Variants in TRMU observed in about 807,000 individuals in gnomAD.
TRMU encodes tRNA mitochondrial 2-thiouridylase.
A neutral mutation model predicts 46.9 loss-of-function variants in TRMU; 49 were observed. The ratio of observed to expected loss-of-function variants is 1.05; its 90% CI spans 0.83 to 1.33. The LOEUF (loss-of-function observed/expected upper bound fraction) is 1.33. Among genes scored for constraint, TRMU ranks in the 40% most tolerant of loss-of-function variants. The probability of loss-of-function intolerance (pLI) is 0.00; values close to 1 mark genes in which losing one functional copy is unlikely to be tolerated. For missense variants in TRMU, 572 were observed against 532.4 expected (o/e 1.07, Z -0.73); for synonymous variants, 241 against 200.9 (o/e 1.20, Z -1.69).
rs2078634636 is a variant in TRMU, at chr22:46,357,017, T to G, written c.*11T>G. ...AGTCCCTTGCTCTGACAGAGATGGA[T>G]CTGCTAGAAGGAACCTGGAGAGCAG... On this transcript the variant is annotated 3_prime_UTR_variant, in exon 11 of 11. Coordinates refer to ENST00000645190, the MANE Select transcript of TRMU (RefSeq NM_018006.5). 1 of 1,613,154 alleles carries G rather than the reference T, an allele frequency of 6.2e-7. No homozygotes were observed. The highest frequency in any genetic ancestry group is 1.7e-5 in the Admixed American group (1 of 60,000).
rs2078059615 is a variant in TRMU, at chr22:46,339,295, A to T, written c.248+1351A>T. Among the ~76,000 whole-genome samples the T allele has an allele frequency of 6.6e-6, 1 of 152,098 alleles. No homozygotes were observed. The highest frequency in any genetic ancestry group is 2.4e-5 in the African/African-American group (1 of 41,428). The stretch of plus-strand genomic sequence containing the variant: ...CTCCCAAGTAGCTGGGATTATAGGC[A>T]TGCACCACCACGCCCGGATAATTTT... On this transcript the variant is annotated intron_variant, in intron 2 of 10. Coordinates refer to ENST00000645190, the MANE Select transcript of TRMU (RefSeq NM_018006.5). This position sits in a 1 kb window ranked among gnomAD's most constrained non-coding sequence, Gnocchi z 4.8.
At chr22:46,355,796 G>A in intron 9 of TRMU, 194 bp from the exon 10 acceptor site, 2 of 1,040,046 alleles carry the variant, frequency 1.9e-6, no homozygotes, top group Non-Finnish European at 2.9e-6. Context: ...GCAGGCCCCG[G>A]CGTGTTGGGC....
At chr22:46,352,748 G>A (rs1251637660) in intron 7 of TRMU, 21 of 339,296 alleles carry the variant, frequency 6.2e-5, no homozygotes, top group South Asian at 3.9e-4. Context: ...GGGATCAGGC[G>A]TCCGCGCTGG....
intron 2 of TRMU, 116 bp from the exon 3 acceptor site, chr22:46,343,146 T>G (rs2078165033): frequency 1.3e-6 from 1 of 768,764 alleles, no homozygotes; most frequent in Non-Finnish European, 2.1e-6. Flanking sequence ...TTGCAGAAAA[T>G]TATAGTTTTG....
At position 46,357,231 on chromosome 22, in the gene TRMU, C is replaced by T. The variant is rs957965479; in HGVS notation, c.*225C>T. ...GCATCTGCTGGCTGGTGGGGTGGCCCGAGTTCCCCTTCACCGCCCCCAGGG... is the reference window on the plus strand; with the variant it reads ...GCATCTGCTGGCTGGTGGGGTGGCCTGAGTTCCCCTTCACCGCCCCCAGGG... On this transcript the variant is annotated 3_prime_UTR_variant, in exon 11 of 11. Transcript: ENST00000645190. 5 of 629,238 alleles carry T rather than the reference C, an allele frequency of 7.9e-6. No homozygotes were observed. The highest frequency in any genetic ancestry group is 8.3e-6 in the Non-Finnish European group (3 of 363,468). The allele number at this position is 629,238 out of a possible 1,614,324, so 39.0% of individuals were successfully genotyped here. A position where few individuals can be genotyped will look rare whatever the true frequency, so the allele number is the denominator to read the frequency against.
At position 46,350,301 on chromosome 22, in the gene TRMU, C is replaced by T; in HGVS notation, c.489C>T (p.Leu163=). Residue 163 remains leucine, a synonymous_variant, in exon 5 of 11, where the codon CTC becomes CTT. Coordinates refer to ENST00000645190, the MANE Select transcript of TRMU (RefSeq NM_018006.5). The surrounding 1 kb of genome is among the most constrained non-coding windows in gnomAD (Gnocchi z 4.6). ...CTTTATTCTTGGCAGCGGTAAAACT[C>T]CTCCAGGCAGCTGACAGCTTTAAAG... ...NRFEVRNAVK[L]LQAADSFKDQ... is the part of the protein sequence containing the mutation. 1 of 1,614,198 alleles carries T rather than the reference C, an allele frequency of 6.2e-7. No individual in the cohort carries two copies. The highest frequency in any genetic ancestry group is 1.1e-5 in the South Asian group (1 of 91,082).
intron 10 of TRMU, chr22:46,356,631 C>A: frequency 1.7e-6 from 1 of 598,018 alleles, no homozygotes; most frequent in South Asian, 2.0e-5. Context: ...GGGAGAGGTA[C>A]CCTGAAGACC....
In TRMU at chr22:46,339,540, G is replaced by A. The variant is rs1186427443; in HGVS notation, c.248+1596G>A. Among the ~76,000 whole-genome samples, 5 of 152,204 alleles carry A rather than the reference G, an allele frequency of 3.3e-5. No individual in the cohort carries two copies. Among genetic ancestry groups the A allele is most frequent in the African/African-American group, 1.2e-4 (5 of 41,442 alleles). On this transcript the variant is annotated intron_variant, in intron 2 of 10. Coordinates refer to ENST00000645190, the MANE Select transcript of TRMU (RefSeq NM_018006.5). The surrounding 1 kb of genome is among the most constrained non-coding windows in gnomAD (Gnocchi z 4.8). ...TAAAAATGATATAATGGACTCTGGG[G>A]TGAGGGATAAAAGACTACACATCGG... is the stretch of plus-strand genomic sequence containing the variant.
chr22:46,337,635 A>ATGGCAAAGCAGGGACTGCC, intron 1 of TRMU, 144 bp from the exon 2 acceptor site: 1 of 1,043,330 alleles, frequency 9.6e-7, no homozygotes, highest in Non-Finnish European at 1.4e-6. Flanking sequence ...CTGAAGCCAC[A>ATGGCAAAGCAGGGACTGCC]TGGCAAAGCA....
At position 46,351,860 on chromosome 22, in the gene TRMU, C is replaced by T; in HGVS notation, c.652-261C>T. The T allele has an allele frequency of 3.5e-6, 2 of 570,882 alleles. No homozygotes were observed. Among genetic ancestry groups the T allele is most frequent in the South Asian group, 3.8e-5 (2 of 53,296 alleles). 35.4% of individuals were successfully genotyped at this position (570,882 alleles called of 1,614,324 possible). ...GGACCTGACCGGGTTCTGCTTTCTT[C>T]CCCGGGGCAGCTGGTGTGAGGGTCT... On this transcript the variant is annotated intron_variant, in intron 5 of 10. Coordinates refer to ENST00000645190, the MANE Select transcript of TRMU (RefSeq NM_018006.5). This position sits in a 1 kb window ranked among gnomAD's most constrained non-coding sequence, Gnocchi z 6.4.
At position 46,335,871 on chromosome 22, in the gene TRMU, C is replaced by T. The variant is rs556397742; in HGVS notation, c.82+25C>T. 3.3e-5 allele frequency: 51 copies of T among 1,534,020 alleles called. No individual in the cohort carries two copies. The South Asian group carries it at 5.4e-4, about 16-fold the overall frequency. ...GGTGAGGCGTCCGAGGCTCCCGCCC[C>T]CCGCCGAGCGAATGTGTCCCCGGAA... On this transcript the variant is annotated intron_variant, in intron 1 of 10. Transcript: ENST00000645190.
chr22:46,349,820 G>A lies in TRMU; in HGVS notation c.479-471G>A, dbSNP rs1161950608. Among the ~76,000 whole-genome samples, 2 of 152,166 alleles carry A rather than the reference G, an allele frequency of 1.3e-5. No individual in the cohort carries two copies. Among genetic ancestry groups the A allele is most frequent in the African/African-American group, 2.4e-5 (1 of 41,446 alleles). On this transcript the variant is annotated intron_variant, in intron 4 of 10. Transcript: ENST00000645190. The surrounding 1 kb of genome is among the most constrained non-coding windows in gnomAD (Gnocchi z 4.6). ...CTGCTGGAGGCATGTGCTGGCCGCC[G>A]GGCAGTGAACCTGGAAAGTGTAGAG...
Position 46,350,476 on chromosome 22 carries a change from A to C in TRMU, c.651+13A>C, listed in dbSNP as rs764854177. The C allele has an allele frequency of 2.5e-6, 4 of 1,613,086 alleles. No homozygotes were observed. Among genetic ancestry groups the C allele is most frequent in the Non-Finnish European group, 8.5e-7 (1 of 1,179,962 alleles). The stretch of plus-strand genomic sequence containing the variant: ...TCAGAAGAAAGAGGTACGAGTGAGC[A>C]GTTGCCTTTGATTAGTGCCTGTTTC... On this transcript the variant is annotated intron_variant, in intron 5 of 10. Transcript: ENST00000645190. This position sits in a 1 kb window ranked among gnomAD's most constrained non-coding sequence, Gnocchi z 4.6.
In TRMU at chr22:46,337,953, G is replaced by A. The variant is rs369189631; in HGVS notation, c.248+9G>A. 34 of 1,613,710 alleles carry A rather than the reference G, an allele frequency of 2.1e-5. No individual in the cohort carries two copies. The highest frequency in any genetic ancestry group is 1.1e-4 in the African/African-American group (8 of 74,734). On this transcript the variant is annotated intron_variant, in intron 2 of 10. Transcript: ENST00000645190. ...TGGAATGATGTGTTCAGGTGAGTGC[G>A]GGTCACAGCACAAAGGAAGCTTCCT...
intron 3 of TRMU, 132 bp from the exon 4 acceptor site, chr22:46,346,290 G>T: frequency 1.9e-6 from 2 of 1,075,756 alleles, no homozygotes; most frequent in South Asian, 1.6e-5. Context: ...ATGTTTGGGT[G>T]CAGGGTGGAT....
Position 46,355,765 on chromosome 22 carries a change from G to T in TRMU, c.1018+177G>T, listed in dbSNP as rs984048790. On this transcript the variant is annotated intron_variant, in intron 9 of 10. Coordinates refer to ENST00000645190, the MANE Select transcript of TRMU (RefSeq NM_018006.5). ...TGTGCCTGCCCTGAGCGAGGCCTGG[G>T]GGTGCTGGGAGCAGATGCAGGCAGG... 3 of 1,213,164 alleles carry T rather than the reference G, an allele frequency of 2.5e-6. No homozygotes were observed. In the South Asian group the frequency reaches 4.0e-5, roughly 16 times the overall value. 75.1% of individuals were successfully genotyped at this position (1,213,164 alleles called of 1,614,324 possible).
intron 3 of TRMU, among the ~76,000 whole-genome samples, chr22:46,345,337 G>A (rs1286252901): frequency 6.6e-6 from 1 of 152,172 alleles, no homozygotes; most frequent in Non-Finnish European, 1.5e-5. Context: ...CCTCCTAAAA[G>A]TGCTGGGATG....
In TRMU at chr22:46,348,995, C is replaced by T. The variant is rs1366900442; in HGVS notation, c.479-1296C>T. The stretch of plus-strand genomic sequence containing the variant: ...TACAAATACAAAAAAAAAAGTTAGC[C>T]GAGTATGGTGGCACATGCCTGTAGT... On this transcript the variant is annotated intron_variant, in intron 4 of 10. Coordinates refer to ENST00000645190, the MANE Select transcript of TRMU (RefSeq NM_018006.5). This position sits in a 1 kb window ranked among gnomAD's most constrained non-coding sequence, Gnocchi z 4.8. 3.9e-5 allele frequency among the ~76,000 whole-genome samples: 6 copies of T among 152,068 alleles called. No homozygotes were observed. The highest frequency in any genetic ancestry group is 2.1e-4 in the South Asian group (1 of 4,810).
chr22:46,356,921 A>G lies in TRMU; in HGVS notation c.1181A>G (p.Gln394Arg), dbSNP rs780149727. Residue 394 changes from glutamine to arginine, a missense_variant, in exon 11 of 11, where the codon CAG becomes CGG. By Grantham distance (43) the Gln-to-Arg change is conservative (BLOSUM62 1). Coordinates refer to ENST00000645190, the MANE Select transcript of TRMU (RefSeq NM_018006.5). ...LRLGPSAYTL[Q>R]KGQRRAGMAT... Reference sequence around the variant, plus strand: ...CTGGGGCCGTCTGCCTACACGCTCCAGAAGGGCCAGCGCAGAGCTGGGATG... The same window carrying G: ...CTGGGGCCGTCTGCCTACACGCTCCGGAAGGGCCAGCGCAGAGCTGGGATG... The G allele has an allele frequency of 3.7e-6, 6 of 1,613,148 alleles. No homozygotes were observed. In the African/African-American group the frequency reaches 4.0e-5, roughly 11 times the overall value.
Sources: gnomAD v4.1 joint callset for allele counts (sites outside exome capture counted in the v4.1 genomes callset) on GRCh38, gnomAD v4.1.1 for gene constraint, Gnocchi (gnomAD v3.1) non-coding constraint, MANE v1.5 for transcripts, NCBI Gene and HGNC (gene_info 2026-07-23, HGNC 2026-07-21) for gene names.